RFC1: variants seen among roughly 807,000 people sequenced by gnomAD.
The protein encoded by RFC1 is replication factor C subunit 1.
A neutral mutation model predicts 137.4 loss-of-function variants in RFC1; 37 were observed. That is an observed-to-expected ratio of 0.27 (90% CI 0.21 to 0.35). The LOEUF is 0.35. Among genes scored for constraint, RFC1 ranks in the 10% least tolerant of loss-of-function variants. The pLI, the probability that RFC1 is intolerant of heterozygous loss-of-function variation, is 1.00. For missense variants in RFC1, 1,205 were observed against 1,358.5 expected (o/e 0.89, Z 1.78); for synonymous variants, 429 against 455.7 (o/e 0.94, Z 0.75).
At chr4:39,331,919 A>G (rs4975005) in intron 4 of RFC1, among the ~76,000 whole-genome samples, 148,761 of 152,270 alleles carry the variant, frequency 0.98, 72,763 homozygotes, top group Middle Eastern at 1. Context: ...GAATTCCCAC[A>G]TTATGGGAGG....
chr4:39,300,180 C>T (rs1177241109), intron 20 of RFC1, 42 bp from the exon 21 acceptor site: 7 of 1,609,254 alleles, frequency 4.3e-6, no homozygotes, highest in South Asian at 1.1e-5. Context: ...CTCTCCACAC[C>T]CCAGGTCCCT....
rs200203404 is a variant in RFC1 at position 39,345,438 on chromosome 4, C to T, written c.171G>A (p.Lys57=). The change falls in exon 3 of 25, where the codon AAG becomes AAA. Residue 57 remains lysine (K), a synonymous_variant. Coordinates refer to ENST00000349703, the MANE Select transcript of RFC1 (RefSeq NM_002913.5). ...SSRKEDDFKQ[K]QPSKKKRIIY... ...TGATCCTCTTTTTCTTGCTTGGTTG[C>T]TTTTGTTTGAAGTCATCCTCTTTAC... 2.5e-6 allele frequency: 4 copies of T among 1,613,712 alleles called. No homozygotes were observed. Among genetic ancestry groups the T allele is most frequent in the African/African-American group, 1.3e-5 (1 of 74,900 alleles).
At chr4:39,320,771 C>A in intron 8 of RFC1, 102 bp from the exon 9 acceptor site, 2 of 1,115,720 alleles carry the variant, frequency 1.8e-6, no homozygotes, top group Non-Finnish European at 2.4e-6. Flanking sequence ...ACAGAATATA[C>A]CCTGAAGGCC....
At chr4:39,356,391 CTCCGTCTT>C (rs1741483127) in intron 1 of RFC1, among the ~76,000 whole-genome samples, 1 of 152,176 alleles carries the variant, frequency 6.6e-6, no homozygotes, top group Non-Finnish European at 1.5e-5. Flanking sequence ...AAGTGCAAAA[CTCCGTCTT>C]AAAAACAAAA....
chr4:39,333,877 G>C (rs956230867), intron 4 of RFC1, among the ~76,000 whole-genome samples: 3 of 151,908 alleles, frequency 2.0e-5, no homozygotes, highest in African/African-American at 7.3e-5. Flanking sequence ...ATTACACATG[G>C]CTCTCCAAAG....
At position 39,312,856 on chromosome 4, in the gene RFC1, T is replaced by C; in HGVS notation, c.1279A>G (p.Lys427Glu). ...CCCCCATAACGTTCAATTAGAGACT[T>C]GGCCTCATCTCGTTCAATAGACTCC... ...VLESIERDEA[K>E]SLIERYGGKV... Residue 427 changes from lysine (K) to glutamate (E), a missense_variant, in exon 11 of 25, where the codon AAG becomes GAG. Coordinates refer to ENST00000349703, the MANE Select transcript of RFC1 (RefSeq NM_002913.5). 4.3e-6 allele frequency: 7 copies of C among 1,614,134 alleles called. No homozygotes were observed. The highest frequency in any genetic ancestry group is 5.9e-6 in the Non-Finnish European group (7 of 1,180,002).
At chr4:39,354,886 A>T (rs1323147594) in intron 1 of RFC1, among the ~76,000 whole-genome samples, 1 of 151,526 alleles carries the variant, frequency 6.6e-6, no homozygotes, top group African/African-American at 2.4e-5. Flanking sequence ...GTTTGAGACC[A>T]GCCTGGCCAA....
chr4:39,303,431 T>G (rs1421772300), intron 15 of RFC1, among the ~76,000 whole-genome samples: 3 of 151,816 alleles, frequency 2.0e-5, no homozygotes, highest in African/African-American at 7.3e-5. Context: ...TACACATATG[T>G]GCATAAAAAT....
At chr4:39,306,817 C>G (rs1193072845) in intron 13 of RFC1, 116 bp from the exon 14 acceptor site, 1 of 655,852 alleles carries the variant, frequency 1.5e-6, no homozygotes, top group African/African-American at 1.8e-5. Context: ...CAGTTTAGTT[C>G]TAAATTTGCA....
intron 10 of RFC1, among the ~76,000 whole-genome samples, chr4:39,315,428 C>T (rs528127220): frequency 3.9e-4 from 59 of 152,364 alleles, no homozygotes; most frequent in African/African-American, 1.3e-3. Flanking sequence ...AGGCCCTCTT[C>T]TCTTCTTGTT....
chr4:39,338,208 G>A (rs1298303923), intron 4 of RFC1, among the ~76,000 whole-genome samples: 4 of 152,086 alleles, frequency 2.6e-5, no homozygotes, highest in African/African-American at 9.7e-5. Flanking sequence ...AATTAATGTG[G>A]TTAAATTAGT....
chr4:39,350,200 A>G (rs1578166655), intron 2 of RFC1, among the ~76,000 whole-genome samples: 1 of 152,084 alleles, frequency 6.6e-6, no homozygotes, highest in East Asian at 1.9e-4. Context: ...AAGAGAAAGT[A>G]CTCAATCTGA....
chr4:39,358,051 G>A (rs1741570384), intron 1 of RFC1, among the ~76,000 whole-genome samples: 1 of 151,978 alleles, frequency 6.6e-6, no homozygotes, highest in African/African-American at 2.4e-5. Context: ...AAGGCGGGTG[G>A]ATCACCTGAG....
At chr4:39,353,341 A>G (rs28568491) in intron 1 of RFC1, among the ~76,000 whole-genome samples, 34 of 125,420 alleles carry the variant, frequency 2.7e-4, no homozygotes, top group African/African-American at 9.4e-4. Flanking sequence ...CAGAAGTTGC[A>G]GTGTGGCGAG....
chr4:39,320,178 C>T (rs894128478), intron 9 of RFC1, among the ~76,000 whole-genome samples: 3 of 151,878 alleles, frequency 2.0e-5, no homozygotes, highest in Non-Finnish European at 4.4e-5. Flanking sequence ...GGAGAAACCC[C>T]GTCTCTACTA....
intron 1 of RFC1, among the ~76,000 whole-genome samples, chr4:39,359,608 G>A (rs1380843737): frequency 6.6e-6 from 1 of 152,002 alleles, no homozygotes; most frequent in Non-Finnish European, 1.5e-5. Context: ...GGATCATGAG[G>A]TCAGGAGATC....
chr4:39,308,489 T>A (rs532937485), intron 13 of RFC1, 147 bp downstream of exon 13: 1 of 1,071,898 alleles, frequency 9.3e-7, no homozygotes, highest in South Asian at 1.6e-5. Flanking sequence ...ACCAGCAGGG[T>A]CTAGTACTGC....
chr4:39,336,368 T>C (rs138203282), intron 4 of RFC1, among the ~76,000 whole-genome samples: 148 of 152,342 alleles, frequency 9.7e-4, no homozygotes, highest in Middle Eastern at 3.4e-3. Flanking sequence ...GACAATGCTA[T>C]ACAGTAACAT....
At chr4:39,347,721 G>C (rs181747787) in intron 2 of RFC1, among the ~76,000 whole-genome samples, 3 of 152,276 alleles carry the variant, frequency 2.0e-5, no homozygotes, top group Admixed American at 1.3e-4. Context: ...GAAGAGAAGA[G>C]AAGAGCTAGA....
Sources: gnomAD v4.1 joint callset for allele counts (sites outside exome capture counted in the v4.1 genomes callset) on GRCh38, gnomAD v4.1.1 for gene constraint, MANE v1.5 for transcripts, NCBI Gene and HGNC (gene_info 2026-07-23, HGNC 2026-07-21) for gene names.